PHACTR4: variants seen among roughly 807,000 people sequenced by gnomAD.
The protein encoded by PHACTR4 is protein phosphatase 1, regulatory subunit 124.
Under a neutral mutation model 72.7 loss-of-function variants are expected in PHACTR4, and 51 were observed. The observed-to-expected ratio is 0.70, with a 90% CI of 0.56 to 0.89. The LOEUF (loss-of-function observed/expected upper bound fraction) is 0.89, where lower values mean the gene tolerates loss of function less well. Among genes scored for constraint, PHACTR4 ranks in the 40% least tolerant of loss-of-function variants. PHACTR4 has a pLI of 0.00. For missense variants in PHACTR4, 731 were observed against 861.8 expected (o/e 0.85, Z 1.90); for synonymous variants, 255 against 302.5 (o/e 0.84, Z 1.63).
intron 1 of PHACTR4, among the ~76,000 whole-genome samples, chr1:28,399,637 G>C (rs1223032464): frequency 6.6e-6 from 1 of 152,096 alleles, no homozygotes; most frequent in Non-Finnish European, 1.5e-5. Context: ...CCTTCTAAAT[G>C]CAGGGATATA....
At chr1:28,373,106 C>T (rs1651367272) in intron 1 of PHACTR4, among the ~76,000 whole-genome samples, 1 of 151,744 alleles carries the variant, frequency 6.6e-6, no homozygotes, top group East Asian at 1.9e-4. Context: ...TACAGGTGCA[C>T]ACTACCACAC....
chr1:28,465,222 G>T (rs1323881772), intron 4 of PHACTR4, among the ~76,000 whole-genome samples: 1 of 152,082 alleles, frequency 6.6e-6, no homozygotes, highest in Non-Finnish European at 1.5e-5. Flanking sequence ...CAGCACTTTG[G>T]GGGCTGAGGC....
chr1:28,456,007 T>A (rs954871411), intron 2 of PHACTR4, among the ~76,000 whole-genome samples: 8 of 152,192 alleles, frequency 5.3e-5, no homozygotes, highest in African/African-American at 1.4e-4. Flanking sequence ...TTATTTTTTT[T>A]ATACATATTT....
At chr1:28,461,981 G>A (rs945270251) in intron 4 of PHACTR4, among the ~76,000 whole-genome samples, 27 of 150,370 alleles carry the variant, frequency 1.8e-4, no homozygotes, top group African/African-American at 6.5e-4. Context: ...TACTTTAATG[G>A]TTTCACTGTA....
intron 2 of PHACTR4, among the ~76,000 whole-genome samples, chr1:28,436,741 G>A (rs61783843): frequency 1.3e-5 from 2 of 152,092 alleles, no homozygotes; most frequent in East Asian, 3.9e-4. Flanking sequence ...TTATCAAGCT[G>A]TATCCTTAAT....
At chr1:28,382,497 G>A (rs1183032916) in intron 1 of PHACTR4, among the ~76,000 whole-genome samples, 1 of 151,666 alleles carries the variant, frequency 6.6e-6, no homozygotes, top group Non-Finnish European at 1.5e-5. Context: ...TAGAGACAAG[G>A]TTTCACCGTG....
intron 1 of PHACTR4, among the ~76,000 whole-genome samples, chr1:28,405,645 A>G (rs1257227517): frequency 2.0e-5 from 3 of 151,698 alleles, no homozygotes; most frequent in Admixed American, 6.6e-5. Flanking sequence ...GTGTATTTCA[A>G]TTTCACATTC....
chr1:28,467,707 T>A (rs1266233715), intron 6 of PHACTR4, among the ~76,000 whole-genome samples: 1 of 152,138 alleles, frequency 6.6e-6, no homozygotes, highest in African/African-American at 2.4e-5. Flanking sequence ...TCTGATAAAA[T>A]CATGTTTTAT....
At chr1:28,484,646 CTCTT>C (rs1317063454) in intron 9 of PHACTR4, among the ~76,000 whole-genome samples, 1 of 151,046 alleles carries the variant, frequency 6.6e-6, no homozygotes, top group Non-Finnish European at 1.5e-5. Flanking sequence ...TATAAACTCT[CTCTT>C]TTTTTTTTTC....
intron 2 of PHACTR4, among the ~76,000 whole-genome samples, chr1:28,434,765 C>G (rs1016384757): frequency 6.6e-6 from 1 of 151,980 alleles, no homozygotes; most frequent in Non-Finnish European, 1.5e-5. Context: ...CTCCTAGGCT[C>G]GAGGGATCCT....
rs1318048320 is a variant in PHACTR4, at chr1:28,371,735, C to T, written c.-39+1910C>T. Among the ~76,000 whole-genome samples the T allele has an allele frequency of 2.0e-5, 3 of 152,206 alleles. No homozygotes were observed. The South Asian group carries it at 6.2e-4, about 32-fold the overall frequency. On this transcript the variant is annotated intron_variant, in intron 1 of 13. Coordinates refer to ENST00000373839, the MANE Select transcript of PHACTR4 (RefSeq NM_001048183.3). Reference sequence around the variant, plus strand: ...CCTCCAGAGTAGCTGGGACAACAGACACAGGCCACCAGCGCAGCTAATTAA... The same window carrying T: ...CCTCCAGAGTAGCTGGGACAACAGATACAGGCCACCAGCGCAGCTAATTAA...
intron 1 of PHACTR4, among the ~76,000 whole-genome samples, chr1:28,398,954 A>C (rs1012210039): frequency 2.0e-5 from 3 of 152,188 alleles, no homozygotes; most frequent in Admixed American, 6.6e-5. Context: ...AAGAACCCTA[A>C]TACAGAAGGT....
At chr1:28,492,156 G>T (rs865986835) in intron 12 of PHACTR4, among the ~76,000 whole-genome samples, 1 of 152,154 alleles carries the variant, frequency 6.6e-6, no homozygotes, top group African/African-American at 2.4e-5. Context: ...ATAAAAGCTG[G>T]CCAGGCGTGG....
rs537848259 is a variant in PHACTR4 at position 28,432,537 on chromosome 1, C to A, written c.16+25074C>A. Among the ~76,000 whole-genome samples the A allele has an allele frequency of 1.1e-3, 172 of 151,624 alleles. 1 individual carries two copies. The highest frequency in any genetic ancestry group is 4.0e-3 in the African/African-American group (167 of 41,358). Reference sequence around the variant, plus strand: ...CACATGCCTGATGTTCTAGCTACTCCGGAGGCTGAGGTGGGAGGATTACTT... The same window carrying A: ...CACATGCCTGATGTTCTAGCTACTCAGGAGGCTGAGGTGGGAGGATTACTT... On this transcript the variant is annotated intron_variant, in intron 2 of 13. Transcript: ENST00000373839.
chr1:28,462,695 C>T (rs1019714936), intron 4 of PHACTR4, among the ~76,000 whole-genome samples: 2 of 152,138 alleles, frequency 1.3e-5, no homozygotes, highest in African/African-American at 4.8e-5. Context: ...CTATTAGCCC[C>T]TAATCCAAGT....
chr1:28,426,233 T>C (rs1035107061), intron 2 of PHACTR4, among the ~76,000 whole-genome samples: 1 of 151,038 alleles, frequency 6.6e-6, no homozygotes, highest in African/African-American at 2.4e-5. Context: ...AAAAAAAAAT[T>C]GTGAATATAA....
chr1:28,444,266 G>A (rs912114468), intron 2 of PHACTR4, among the ~76,000 whole-genome samples: 20 of 109,404 alleles, frequency 1.8e-4, no homozygotes, highest in African/African-American at 6.7e-4. Flanking sequence ...TTGCTCTGTC[G>A]CCAGGCTGGA....
chr1:28,477,381 C>A (rs1659994566), intron 8 of PHACTR4, among the ~76,000 whole-genome samples: 1 of 151,692 alleles, frequency 6.6e-6, no homozygotes, highest in South Asian at 2.1e-4. Flanking sequence ...CCCAGCTGCC[C>A]AGGCTGTTAT....
chr1:28,480,668 T>C, intron 9 of PHACTR4, 64 bp downstream of exon 9: 1 of 1,588,012 alleles, frequency 6.3e-7, no homozygotes, highest in Non-Finnish European at 8.6e-7. Context: ...TAGATGTTGT[T>C]AGATGTGTTG....
Sources: gnomAD v4.1 joint callset for allele counts (sites outside exome capture counted in the v4.1 genomes callset) on GRCh38, gnomAD v4.1.1 for gene constraint, MANE v1.5 for transcripts, NCBI Gene and HGNC (gene_info 2026-07-23, HGNC 2026-07-21) for gene names.